DOCK5: variants seen among roughly 807,000 people sequenced by gnomAD.
The protein encoded by DOCK5 is dedicator of cytokinesis protein 5.
In DOCK5, 142 loss-of-function variants were observed where a neutral mutation model predicts 251.8. The observed-to-expected ratio is 0.56, with a 90% CI of 0.49 to 0.65. The LOEUF is 0.65. DOCK5 is among the 30% of genes least tolerant of loss of function. The pLI, the probability that DOCK5 is intolerant of heterozygous loss-of-function variation, is 0.00. For missense variants in DOCK5, 2,111 were observed against 2,312.3 expected (o/e 0.91, Z 1.79); for synonymous variants, 842 against 835.5 (o/e 1.01, Z -0.13).
At chr8:25,309,430 A>G (rs775036769) in intron 12 of DOCK5, among the ~76,000 whole-genome samples, 2 of 151,910 alleles carry the variant, frequency 1.3e-5, no homozygotes, top group Non-Finnish European at 2.9e-5. Context: ...TGATCCTCCC[A>G]CCTTGGCCTC....
intron 45 of DOCK5, among the ~76,000 whole-genome samples, chr8:25,396,103 G>A (rs2001771): frequency 0.53 from 80,379 of 151,984 alleles, 23,263 homozygotes; most frequent in Middle Eastern, 0.64. Context: ...CTAGGGGCCA[G>A]GTGTAGTGGT....
intron 12 of DOCK5, among the ~76,000 whole-genome samples, chr8:25,309,246 A>G (rs1317904637): frequency 2.6e-5 from 4 of 151,984 alleles, no homozygotes; most frequent in African/African-American, 7.3e-5. Context: ...GTGCAATTGC[A>G]TGGTCTTGGC....
chr8:25,313,938 G>T (rs1805165244), intron 13 of DOCK5, among the ~76,000 whole-genome samples: 2 of 64,174 alleles, frequency 3.1e-5, no homozygotes, highest in Admixed American at 3.6e-4. Context: ...ACACAGTTCT[G>T]CCCAGAACAG....
chr8:25,227,704 C>T (rs1273045008), intron 1 of DOCK5, among the ~76,000 whole-genome samples: 1 of 152,148 alleles, frequency 6.6e-6, no homozygotes, highest in African/African-American at 2.4e-5. Context: ...AAATCTACCA[C>T]ATATAATCTG....
At chr8:25,387,590 T>A (rs1425525643) in intron 40 of DOCK5, among the ~76,000 whole-genome samples, 3 of 152,220 alleles carry the variant, frequency 2.0e-5, no homozygotes, top group Admixed American at 6.5e-5. Flanking sequence ...CACTTCTTCT[T>A]TCATCATGCA....
At position 25,275,428 on chromosome 8, in the gene DOCK5, G is replaced by C. The variant is rs1029287053; in HGVS notation, c.211G>C (p.Val71Leu). The change falls in exon 4 of 52, where the codon GTG becomes CTG. Residue 71 changes from valine (V) to leucine (L), a missense_variant. Transcript: ENST00000276440. ...ETYIHLKEAT[V>L]EDLGQHETVI... The stretch of plus-strand genomic sequence containing the variant: ...ATATATCCATTTGAAAGAGGCAACT[G>C]TGGAAGACCTGGGGTAAGTTCCAAG... The C allele has an allele frequency of 6.8e-6, 11 of 1,610,490 alleles. No individual in the cohort carries two copies. Among genetic ancestry groups the C allele is most frequent in the Non-Finnish European group, 9.3e-6 (11 of 1,178,928 alleles).
chr8:25,386,799 G>A (rs537674785), intron 40 of DOCK5, among the ~76,000 whole-genome samples: 18 of 152,180 alleles, frequency 1.2e-4, no homozygotes, highest in Non-Finnish European at 1.5e-4. Context: ...CTTTCAAGTC[G>A]AAAGCATTCT....
intron 18 of DOCK5, among the ~76,000 whole-genome samples, chr8:25,327,223 C>T (rs2117209870): frequency 6.6e-6 from 1 of 152,328 alleles, no homozygotes; most frequent in East Asian, 1.9e-4. Flanking sequence ...TATTTGTACA[C>T]AGAAAACGAT....
At chr8:25,283,576 A>G (rs1020998876) in intron 5 of DOCK5, among the ~76,000 whole-genome samples, 2 of 152,120 alleles carry the variant, frequency 1.3e-5, no homozygotes, top group Admixed American at 1.3e-4. Context: ...TCTTAGCTGG[A>G]AGCAGTAGCC....
intron 1 of DOCK5, among the ~76,000 whole-genome samples, chr8:25,242,181 C>A (rs1802971972): frequency 6.6e-6 from 1 of 152,076 alleles, no homozygotes; most frequent in African/African-American, 2.4e-5. Context: ...TTAATCAACT[C>A]TTTTGCCTTA....
At position 25,403,539 on chromosome 8, in the gene DOCK5, T is replaced by C. The variant is rs566354294; in HGVS notation, c.4927-19T>C. The C allele has an allele frequency of 1.2e-6, 2 of 1,612,806 alleles. No homozygotes were observed. The highest frequency in any genetic ancestry group is 1.1e-5 in the South Asian group (1 of 90,912). The stretch of plus-strand genomic sequence containing the variant: ...CTGGATTCCAGGTCCGCTAACCATG[T>C]GGAGTCATATGTTTTCAGCCACCCA... On this transcript the variant is annotated intron_variant, in intron 47 of 51. Transcript: ENST00000276440.
At chr8:25,259,014 G>A (rs1338185263) in intron 2 of DOCK5, among the ~76,000 whole-genome samples, 2 of 152,164 alleles carry the variant, frequency 1.3e-5, no homozygotes, top group Admixed American at 6.5e-5. Flanking sequence ...AGCTACTCAG[G>A]ATGCTGAGGC....
chr8:25,185,340 T>A (rs1563299138), intron 1 of DOCK5, among the ~76,000 whole-genome samples: 1 of 151,986 alleles, frequency 6.6e-6, no homozygotes, highest in Non-Finnish European at 1.5e-5. Flanking sequence ...CCAGCCCGGG[T>A]CGGCACATGG....
intron 6 of DOCK5, among the ~76,000 whole-genome samples, chr8:25,294,160 A>G (rs76346543): frequency 9.3e-4 from 141 of 152,292 alleles, no homozygotes; most frequent in African/African-American, 3.2e-3. Context: ...ACGGCAGAAC[A>G]TGACTTCTTT....
intron 39 of DOCK5, 118 bp downstream of exon 39, chr8:25,380,512 C>A: frequency 1.2e-6 from 1 of 839,206 alleles, no homozygotes. Flanking sequence ...ATGGAAAAGT[C>A]AACTTTGCTT....
Position 25,190,786 on chromosome 8 carries a change from T to TTTTGTTTTTTG in DOCK5, c.43+5838_43+5839insGTTTTTTGTTT, listed in dbSNP as rs1445172975. On this transcript the variant is annotated intron_variant, in intron 1 of 51. Coordinates refer to ENST00000276440, the MANE Select transcript of DOCK5 (RefSeq NM_024940.8). ...TTAACTTGGTCATGGGTTTTTTTTT[T>TTTTGTTTTTTG]TTTTTTTTTTTTTTTGAGACGGAGT... Among the ~76,000 whole-genome samples the TTTTGTTTTTTG allele has an allele frequency of 1.6e-4, 18 of 111,632 alleles. 1 individual carries two copies. Among genetic ancestry groups the TTTTGTTTTTTG allele is most frequent in the African/African-American group, 4.6e-4 (15 of 32,806 alleles). The allele number at this position is 111,632 out of a possible 152,430, so 73.2% of individuals were successfully genotyped here. A position where few individuals can be genotyped will look rare whatever the true frequency, so the allele number is the denominator to read the frequency against.
At chr8:25,196,781 T>C (rs1054968048) in intron 1 of DOCK5, among the ~76,000 whole-genome samples, 4 of 152,162 alleles carry the variant, frequency 2.6e-5, no homozygotes, top group African/African-American at 4.8e-5. Flanking sequence ...TATAATGCAA[T>C]GCATATAAAA....
chr8:25,210,036 ATGTGTGTGT>A lies in DOCK5; in HGVS notation c.43+25086_43+25094del, dbSNP rs1802088003. Among the ~76,000 whole-genome samples the A allele has an allele frequency of 6.3e-5, 2 of 31,644 alleles. 1 individual carries two copies. The highest frequency in any genetic ancestry group is 7.7e-4 in the Admixed American group (2 of 2,586). The allele number at this position is 31,644 out of a possible 152,430, so 20.8% of individuals were successfully genotyped here. On this transcript the variant is annotated intron_variant, in intron 1 of 51. Transcript: ENST00000276440. ...TATATATATATATATATATATATAA[ATGTGTGTGT>A]GTGTGTGTGTGTGTGTGTGTGTGTA...
chr8:25,390,359 C>A, intron 42 of DOCK5, 72 bp downstream of exon 42: 2 of 1,351,570 alleles, frequency 1.5e-6, no homozygotes, highest in Non-Finnish European at 2.0e-6. Context: ...ATAATCTCAA[C>A]ATTTTCCGAA....
Sources: allele counts gnomAD v4.1 joint callset (sites outside exome capture counted in the v4.1 genomes callset), GRCh38; gene constraint gnomAD v4.1.1; transcripts MANE v1.5; gene names NCBI Gene and HGNC (gene_info 2026-07-23, HGNC 2026-07-21).